Variants in PTPRD observed in about 807,000 individuals in gnomAD.
The protein encoded by PTPRD is protein tyrosine phosphatase receptor type D.
A neutral mutation model predicts 214.5 loss-of-function variants in PTPRD; 34 were observed. That is an observed-to-expected ratio of 0.16 (90% CI 0.12 to 0.21). PTPRD has a LOEUF of 0.21. PTPRD is among the 10% of genes least tolerant of loss of function. The pLI is 1.00. For missense variants in PTPRD, 2,545 were observed against 2,398.7 expected (o/e 1.06, Z -1.27); for synonymous variants, 1,128 against 845.7 (o/e 1.33, Z -5.79).
chr9:10,539,257 T>G (rs2058560218), intron 2 of PTPRD, among the ~76,000 whole-genome samples: 1 of 152,184 alleles, frequency 6.6e-6, no homozygotes, highest in African/African-American at 2.4e-5. Flanking sequence ...TGATCTCAGC[T>G]CACTGCAACC....
chr9:10,079,910 T>C (rs2098205786), intron 3 of PTPRD, among the ~76,000 whole-genome samples: 1 of 151,040 alleles, frequency 6.6e-6, no homozygotes, highest in Non-Finnish European at 1.5e-5. Flanking sequence ...AACTTCAGAG[T>C]ATCCAAGGTA....
rs138755135 is a variant in PTPRD at position 8,404,607 on chromosome 9, G to A, written c.4140C>T (p.Asn1380=). The A allele has an allele frequency of 2.9e-3, 4,655 of 1,613,328 alleles. 17 individuals carry two copies. The highest frequency in any genetic ancestry group is 2.8e-3 in the Non-Finnish European group (3,260 of 1,179,488). Residue 1380 remains asparagine, a synonymous_variant, in exon 36 of 46, where the codon AAC becomes AAT. Transcript: ENST00000381196. Reference sequence around the variant, plus strand: ...CATTCGCGTATCTATTCTTTGGTTTGTTTACTTCCAAGTTTGAATGTTCCC... The same window carrying A: ...CATTCGCGTATCTATTCTTTGGTTTATTTACTTCCAAGTTTGAATGTTCCC... ...FTWEHSNLEV[N]KPKNRYANVI...
chr9:9,082,738 G>C (rs567733704), intron 10 of PTPRD, among the ~76,000 whole-genome samples: 2 of 152,048 alleles, frequency 1.3e-5, no homozygotes, highest in African/African-American at 2.4e-5. Flanking sequence ...AAAATCACAA[G>C]CATTCCTACA....
In PTPRD at chr9:8,354,915, T is replaced by C. The variant is rs2133480790; in HGVS notation, c.4662-12937A>G. ...TGTCTTTTATTCATGAAACATTAGC[T>C]CTCCCACTCTACTGCACTACTGAAA... On this transcript the variant is annotated intron_variant, in intron 39 of 45. Transcript: ENST00000381196. Among the ~76,000 whole-genome samples the C allele has an allele frequency of 2.0e-5, 3 of 152,234 alleles. 1 individual carries two copies. In the South Asian group the frequency reaches 6.2e-4, roughly 32 times the overall value.
chr9:9,707,067 G>A (rs372434071), intron 7 of PTPRD, among the ~76,000 whole-genome samples: 1 of 152,040 alleles, frequency 6.6e-6, no homozygotes, highest in African/African-American at 2.4e-5. Flanking sequence ...ATGAACAGAT[G>A]TCCTTTTTAT....
At position 9,253,237 on chromosome 9, in the gene PTPRD, A is replaced by AT. The variant is rs1016254569; in HGVS notation, c.-202-69875dup. Reference sequence around the variant, plus strand: ...TTAGAAAGCCAGGATCATGATATCTATTTTTTTGGCTAAAAATCTAAAGTA... The same window carrying AT: ...TTAGAAAGCCAGGATCATGATATCTATTTTTTTTGGCTAAAAATCTAAAGTA... On this transcript the variant is annotated intron_variant, in intron 9 of 45. Transcript: ENST00000381196. Among the ~76,000 whole-genome samples the AT allele has an allele frequency of 5.4e-4, 82 of 152,040 alleles. 1 individual carries two copies. The highest frequency in any genetic ancestry group is 1.6e-3 in the African/African-American group (65 of 41,516).
chr9:8,634,411 G>T (rs2096361815), intron 13 of PTPRD, among the ~76,000 whole-genome samples: 1 of 151,860 alleles, frequency 6.6e-6, no homozygotes, highest in Non-Finnish European at 1.5e-5. Flanking sequence ...AATAAATTGA[G>T]ATTGCCTCAT....
chr9:10,132,789 T>A (rs1237552548), intron 3 of PTPRD, among the ~76,000 whole-genome samples: 1 of 152,150 alleles, frequency 6.6e-6, no homozygotes, highest in African/African-American at 2.4e-5. Context: ...AATCTGCACA[T>A]ACAAGTGATA....
At chr9:10,296,268 A>C (rs1057356091) in intron 3 of PTPRD, among the ~76,000 whole-genome samples, 2 of 152,074 alleles carry the variant, frequency 1.3e-5, no homozygotes, top group South Asian at 4.1e-4. Flanking sequence ...TCACATAAGT[A>C]GTTCTTTTGG....
chr9:9,348,627 T>G (rs1276251363), intron 9 of PTPRD, among the ~76,000 whole-genome samples: 2 of 152,002 alleles, frequency 1.3e-5, no homozygotes, highest in South Asian at 2.1e-4. Flanking sequence ...GGGACAGGAG[T>G]TGGGGTAAGA....
intron 3 of PTPRD, among the ~76,000 whole-genome samples, chr9:10,062,223 G>C (rs1397517118): frequency 6.6e-6 from 1 of 151,998 alleles, no homozygotes; most frequent in East Asian, 1.9e-4. Flanking sequence ...ATTTACATAA[G>C]ATGTAAGACT....
At chr9:8,540,774 T>C (rs2078200422) in intron 14 of PTPRD, among the ~76,000 whole-genome samples, 1 of 152,128 alleles carries the variant, frequency 6.6e-6, no homozygotes, top group African/African-American at 2.4e-5. Context: ...GTTGTTACCC[T>C]CTAGTCTTTA....
intron 2 of PTPRD, among the ~76,000 whole-genome samples, chr9:10,348,645 A>G (rs2097130594): frequency 6.6e-6 from 1 of 152,228 alleles, no homozygotes; most frequent in Admixed American, 6.5e-5. Context: ...CTGTTTGCAT[A>G]TAACATTTGT....
intron 9 of PTPRD, among the ~76,000 whole-genome samples, chr9:9,367,054 T>A (rs573853728): frequency 1.4e-5 from 2 of 145,164 alleles, no homozygotes; most frequent in East Asian, 4.5e-4. Context: ...TAAGAAAAGT[T>A]TAAAAAATAA....
At chr9:8,717,881 C>T (rs530802728) in intron 12 of PTPRD, among the ~76,000 whole-genome samples, 11 of 152,270 alleles carry the variant, frequency 7.2e-5, no homozygotes, top group South Asian at 4.1e-4. Flanking sequence ...ATAAGGAACC[C>T]GCTCCTGGTA....
In PTPRD at chr9:10,168,343, C is replaced by T. The variant is rs1396613640; in HGVS notation, c.-544-134553G>A. 2.0e-5 allele frequency among the ~76,000 whole-genome samples: 3 copies of T among 151,770 alleles called. No homozygotes were observed. The East Asian group carries it at 5.8e-4, about 29-fold the overall frequency. On this transcript the variant is annotated intron_variant, in intron 3 of 45. Coordinates refer to ENST00000381196, the MANE Select transcript of PTPRD (RefSeq NM_002839.4). ...CTATTACTAATTTGATTTAAAAATC[C>T]CATGTTCATTATAATAGGTAGTGCT...
chr9:8,671,631 C>T lies in PTPRD; in HGVS notation c.65-34787G>A, dbSNP rs142638826. Among the ~76,000 whole-genome samples, 99 of 152,164 alleles carry T rather than the reference C, an allele frequency of 6.5e-4. 1 individual carries two copies. In the East Asian group the frequency reaches 0.018, roughly 28 times the overall value. On this transcript the variant is annotated intron_variant, in intron 12 of 45. Transcript: ENST00000381196. ...ATCAGAGAAATGCCTACACTGAATACGGAAATACATTCACTTCCAGTAACC... is the reference window on the plus strand; with the variant it reads ...ATCAGAGAAATGCCTACACTGAATATGGAAATACATTCACTTCCAGTAACC...
chr9:9,918,771 T>G (rs78051054), intron 5 of PTPRD, among the ~76,000 whole-genome samples: 3 of 152,158 alleles, frequency 2.0e-5, no homozygotes, highest in Non-Finnish European at 4.4e-5. Flanking sequence ...ATCTGATTTT[T>G]GGCATGGGTA....
At chr9:9,545,807 G>T (rs1345496192) in intron 8 of PTPRD, among the ~76,000 whole-genome samples, 2 of 151,700 alleles carry the variant, frequency 1.3e-5, no homozygotes, top group African/African-American at 2.4e-5. Context: ...ATAAACTTTA[G>T]AATTAGTTTA....
Sources: allele counts gnomAD v4.1 joint callset (sites outside exome capture counted in the v4.1 genomes callset), GRCh38; gene constraint gnomAD v4.1.1; transcripts MANE v1.5; gene names NCBI Gene and HGNC (gene_info 2026-07-23, HGNC 2026-07-21).